The following HSD17B12 variants were observed in gnomAD, a reference collection of about 807,000 sequenced individuals.
HSD17B12 encodes the protein very-long-chain 3-oxoacyl-CoA reductase.
In HSD17B12, 32 loss-of-function variants were observed where a neutral mutation model predicts 39.3. The observed-to-expected ratio is 0.81, with a 90% confidence interval of 0.61 to 1.09. The LOEUF is 1.09. Ranked by LOEUF, HSD17B12 falls within the 50% of genes least tolerant of loss-of-function variation. HSD17B12 has a pLI of 0.00. For synonymous variants in HSD17B12, 150 were observed against 146.7 expected (o/e 1.02, Z -0.16); for missense variants, 342 against 382.9 (o/e 0.89, Z 0.89).
chr11:43,747,119 T>G (rs887520231), intron 1 of HSD17B12, among the ~76,000 whole-genome samples: 1 of 152,242 alleles, frequency 6.6e-6, no homozygotes, highest in Non-Finnish European at 1.5e-5. Flanking sequence ...TTGCGTGTTT[T>G]GCAACTTTTT....
the HSD17B12 span, among the ~76,000 whole-genome samples, chr11:43,616,797 T>TAA: frequency 0.012 from 694 of 59,712 alleles, 28 homozygotes; most frequent in East Asian, 0.039. Context: ...GTGCCCAAAC[T>TAA]AAAAAAAAAA....
chr11:43,643,429 TGAAA>T, the HSD17B12 span, among the ~76,000 whole-genome samples: 1 of 152,186 alleles, frequency 6.6e-6, no homozygotes, highest in Admixed American at 6.5e-5. Context: ...TGCAGTCTCC[TGAAA>T]GAATGAACTC....
intron 1 of HSD17B12, chr11:43,734,337 C>T: frequency 9.9e-7 from 1 of 1,010,896 alleles, no homozygotes. Flanking sequence ...GCAGAGAGGG[C>T]CAGATCTGTG....
intron 1 of HSD17B12, among the ~76,000 whole-genome samples, chr11:43,701,603 T>C (rs549536859): frequency 2.0e-5 from 3 of 152,306 alleles, no homozygotes; most frequent in East Asian, 3.9e-4. Flanking sequence ...GTCTTCAGTA[T>C]ATTCTTGGCA....
At chr11:43,762,335 T>C (rs996543175) in intron 3 of HSD17B12, among the ~76,000 whole-genome samples, 1 of 152,210 alleles carries the variant, frequency 6.6e-6, no homozygotes, top group Non-Finnish European at 1.5e-5. Flanking sequence ...CCTGGTACAA[T>C]TTGTCAGATT....
At chr11:43,714,323 G>C (rs1030669889) in intron 1 of HSD17B12, among the ~76,000 whole-genome samples, 11 of 152,208 alleles carry the variant, frequency 7.2e-5, no homozygotes, top group African/African-American at 1.2e-4. Context: ...AAGGGATCCA[G>C]TTTCAGCTTT....
At chr11:43,777,765 T>G (rs1950722384) in intron 3 of HSD17B12, among the ~76,000 whole-genome samples, 1 of 152,166 alleles carries the variant, frequency 6.6e-6, no homozygotes, top group Non-Finnish European at 1.5e-5. Flanking sequence ...GCTCTTATTA[T>G]TTTGAAATAC....
rs200127121 is a variant in HSD17B12 at position 43,754,037 on chromosome 11, C to G, written c.208-9C>G. On this transcript the variant is annotated splice_polypyrimidine_tract_variant and intron_variant, in intron 2 of 10. Coordinates refer to ENST00000278353, the MANE Select transcript of HSD17B12 (RefSeq NM_016142.3). ...ACAGGTGTGATTCAAATCTCCTTTA[C>G]TGTTTCAGTTAGCAAAGCATGGAAT... 104 of 1,597,776 alleles carry G rather than the reference C, an allele frequency of 6.5e-5. No individual in the cohort carries two copies. The African/African-American group carries it at 1.2e-3, about 18-fold the overall frequency.
chr11:43,829,377 T>C (rs555836557), intron 6 of HSD17B12, among the ~76,000 whole-genome samples: 56 of 152,348 alleles, frequency 3.7e-4, no homozygotes, highest in Non-Finnish European at 7.6e-4. Flanking sequence ...AGGAAACATT[T>C]AATGTTTAGC....
At chr11:43,770,862 C>T (rs1483505212) in intron 3 of HSD17B12, among the ~76,000 whole-genome samples, 1 of 152,178 alleles carries the variant, frequency 6.6e-6, no homozygotes, top group African/African-American at 2.4e-5. Context: ...ACGCATAGAA[C>T]ATTTTAGTAA....
intron 1 of HSD17B12, among the ~76,000 whole-genome samples, chr11:43,743,089 C>T (rs1950383685): frequency 6.6e-6 from 1 of 152,130 alleles, no homozygotes. Context: ...GTTAGTTTCA[C>T]TTAAATTTGA....
chr11:43,718,692 A>G, intron 1 of HSD17B12: 1 of 925,248 alleles, frequency 1.1e-6, no homozygotes, highest in East Asian at 2.4e-5. Flanking sequence ...CTGAAAGCAA[A>G]GAAGGAAGCT....
At chr11:43,627,426 G>T in the HSD17B12 span, among the ~76,000 whole-genome samples, 6 of 151,768 alleles carry the variant, frequency 4.0e-5, no homozygotes, top group East Asian at 1.9e-4. Flanking sequence ...TCATTCACTA[G>T]ATATTTAAAA....
chr11:43,827,670 A>C (rs1204535131), intron 6 of HSD17B12, among the ~76,000 whole-genome samples: 1 of 152,204 alleles, frequency 6.6e-6, no homozygotes. Context: ...TAACATTTTC[A>C]AGGATTTTCT....
chr11:43,826,410 G>GT (rs1951241137), intron 6 of HSD17B12, among the ~76,000 whole-genome samples: 1 of 151,976 alleles, frequency 6.6e-6, no homozygotes, highest in Non-Finnish European at 1.5e-5. Context: ...TTAAAATTTT[G>GT]TTTAGAGTTT....
At chr11:43,832,750 C>G (rs1951324656) in intron 7 of HSD17B12, among the ~76,000 whole-genome samples, 1 of 152,136 alleles carries the variant, frequency 6.6e-6, no homozygotes, top group African/African-American at 2.4e-5. Context: ...CAAGTTGAAG[C>G]TGGGCGCAGT....
chr11:43,704,663 G>C (rs1949997417), intron 1 of HSD17B12, among the ~76,000 whole-genome samples: 1 of 152,196 alleles, frequency 6.6e-6, no homozygotes, highest in Non-Finnish European at 1.5e-5. Flanking sequence ...TGGTTTAGGA[G>C]CATGCATATC....
At chr11:43,639,409 A>C in the HSD17B12 span, among the ~76,000 whole-genome samples, 3 of 152,250 alleles carry the variant, frequency 2.0e-5, no homozygotes, top group African/African-American at 7.2e-5. Flanking sequence ...CTCCCACTTC[A>C]GTATCTGCTT....
At chr11:43,582,181 G>C in the HSD17B12 span, among the ~76,000 whole-genome samples, 4 of 152,194 alleles carry the variant, frequency 2.6e-5, no homozygotes, top group African/African-American at 9.7e-5. Context: ...GCACGGAAGG[G>C]GGTAAAACAG....
Sources: gnomAD v4.1 joint callset for allele counts (sites outside exome capture counted in the v4.1 genomes callset) on GRCh38, gnomAD v4.1.1 for gene constraint, MANE v1.5 for transcripts, NCBI Gene and HGNC (gene_info 2026-07-23, HGNC 2026-07-21) for gene names.